Variants in FSHR observed in about 807,000 individuals in gnomAD.
FSHR encodes follicle stimulating hormone receptor, also known as follicle-stimulating hormone receptor.
Under a neutral mutation model 52.1 loss-of-function variants are expected in FSHR, and 46 were observed. The ratio of observed to expected loss-of-function variants is 0.88; its 90% CI spans 0.70 to 1.13. The LOEUF (loss-of-function observed/expected upper bound fraction) is 1.13. FSHR is among the 50% of genes most tolerant of loss of function. The probability of loss-of-function intolerance (pLI) is 0.00; values close to 1 mark genes in which losing one functional copy is unlikely to be tolerated. For missense variants in FSHR, 964 were observed against 834.6 expected (o/e 1.16, Z -1.91); for synonymous variants, 399 against 309.6 (o/e 1.29, Z -3.03).
intron 6 of FSHR, among the ~76,000 whole-genome samples, chr2:48,986,557 A>G (rs1481751228): frequency 6.6e-6 from 1 of 152,162 alleles, no homozygotes; most frequent in Non-Finnish European, 1.5e-5. Flanking sequence ...AAATAAGAAC[A>G]ATAGAAATTG....
chr2:49,103,928 C>T (rs1671129754), intron 1 of FSHR, among the ~76,000 whole-genome samples: 2 of 150,696 alleles, frequency 1.3e-5, no homozygotes, highest in Non-Finnish European at 2.9e-5. Flanking sequence ...CATTGGTTTT[C>T]CCCAAAGCTC....
chr2:49,080,596 A>T (rs1477066496), intron 1 of FSHR, among the ~76,000 whole-genome samples: 2 of 152,246 alleles, frequency 1.3e-5, no homozygotes, highest in African/African-American at 4.8e-5. Context: ...AGTTGATAAG[A>T]TGTATGTAAA....
At chr2:49,130,148 T>A (rs1366687506) in intron 1 of FSHR, among the ~76,000 whole-genome samples, 1 of 152,170 alleles carries the variant, frequency 6.6e-6, no homozygotes, top group Non-Finnish European at 1.5e-5. Flanking sequence ...CTCAGTAGCT[T>A]TTTCTGAGAA....
chr2:49,103,980 T>TC (rs1671132825), intron 1 of FSHR, among the ~76,000 whole-genome samples: 1 of 151,856 alleles, frequency 6.6e-6, no homozygotes, highest in African/African-American at 2.4e-5. Flanking sequence ...TATGTTTTTT[T>TC]TTTTTATCCT....
In FSHR at chr2:48,970,408, C is replaced by A. The variant is rs535670232; in HGVS notation, c.669-1525G>T. Among the ~76,000 whole-genome samples the A allele has an allele frequency of 5.9e-5, 9 of 152,318 alleles. No homozygotes were observed. In the South Asian group the frequency reaches 1.9e-3, roughly 32 times the overall value. On this transcript the variant is annotated intron_variant, in intron 8 of 9. Coordinates refer to ENST00000406846, the MANE Select transcript of FSHR (RefSeq NM_000145.4). The stretch of plus-strand genomic sequence containing the variant: ...TCTCCTTGATTTTGTAATTACATTT[C>A]ACAGGTAGAATGCTCCTTCTTTTTG...
At chr2:49,107,612 AATTAAT>A (rs1671277364) in intron 1 of FSHR, among the ~76,000 whole-genome samples, 1 of 152,152 alleles carries the variant, frequency 6.6e-6, no homozygotes, top group Non-Finnish European at 1.5e-5. Context: ...TTAATCACAA[AATTAAT>A]ATTAATAGCC....
chr2:49,144,351 A>T (rs1230351173), intron 1 of FSHR, among the ~76,000 whole-genome samples: 1 of 152,120 alleles, frequency 6.6e-6, no homozygotes, highest in East Asian at 1.9e-4. Context: ...TTCCAGAGCC[A>T]CTTTGTAATT....
At chr2:48,997,432 TTCTGTTCGG>T in intron 4 of FSHR, 1 of 972,438 alleles carries the variant, frequency 1.0e-6, no homozygotes, top group Non-Finnish European at 1.2e-6. Flanking sequence ...TGGCTGCAGA[TTCTGTTCGG>T]ACCTAGCATC....
intron 1 of FSHR, among the ~76,000 whole-genome samples, chr2:49,089,202 A>G (rs1216726562): frequency 6.6e-6 from 1 of 152,056 alleles, no homozygotes; most frequent in East Asian, 1.9e-4. Context: ...TTCCTTAAGA[A>G]CAACATGTAT....
chr2:49,121,680 C>A (rs1311709482), intron 1 of FSHR, among the ~76,000 whole-genome samples: 1 of 152,212 alleles, frequency 6.6e-6, no homozygotes, highest in East Asian at 1.9e-4. Flanking sequence ...ATATAGACAG[C>A]AGCTCAAGGA....
intron 4 of FSHR, chr2:48,997,240 T>C (rs1053399186): frequency 1.0e-6 from 1 of 985,120 alleles, no homozygotes; most frequent in Non-Finnish European, 1.2e-6. Flanking sequence ...TGTGAGACAG[T>C]AGGAAAGCCT....
At chr2:48,966,830 C>T (rs1044103505) in intron 9 of FSHR, among the ~76,000 whole-genome samples, 1 of 152,180 alleles carries the variant, frequency 6.6e-6, no homozygotes, top group Non-Finnish European at 1.5e-5. Flanking sequence ...GTGTAAGAAC[C>T]ATGTTCCTCT....
In FSHR at chr2:49,071,080, T is replaced by C. The variant is rs181208722; in HGVS notation, c.153-2790A>G. ...GGCACATGAGATGAGATGTGGAAGA[T>C]GGAATGTAAAGATACATTTTCATCT... On this transcript the variant is annotated intron_variant, in intron 1 of 9. Coordinates refer to ENST00000406846, the MANE Select transcript of FSHR (RefSeq NM_000145.4). 4.4e-3 allele frequency among the ~76,000 whole-genome samples: 666 copies of C among 152,258 alleles called. 8 individuals are homozygous for C. The highest frequency in any genetic ancestry group is 0.015 in the African/African-American group (614 of 41,552).
rs145890339 is a variant in FSHR, at chr2:49,008,477, C to T, written c.374+9012G>A. On this transcript the variant is annotated intron_variant, in intron 4 of 9. Coordinates refer to ENST00000406846, the MANE Select transcript of FSHR (RefSeq NM_000145.4). ...GTCTTTGCTATTGTGAATAATGCCG[C>T]AATAAACATACGTGTGCATGTGTCT... Among the ~76,000 whole-genome samples the T allele has an allele frequency of 4.0e-3, 611 of 152,100 alleles. 3 individuals are homozygous for T. Among genetic ancestry groups the T allele is most frequent in the Non-Finnish European group, 6.1e-3 (416 of 68,004 alleles).
intron 1 of FSHR, among the ~76,000 whole-genome samples, chr2:49,108,050 G>T (rs59032647): frequency 0.023 from 3,557 of 152,170 alleles, 120 homozygotes; most frequent in African/African-American, 0.08. Context: ...AGTGGGTTCA[G>T]TAGATTGCCT....
chr2:48,981,264 C>G (rs187919240), intron 8 of FSHR, among the ~76,000 whole-genome samples: 82 of 152,264 alleles, frequency 5.4e-4, no homozygotes, highest in Admixed American at 2.5e-3. Flanking sequence ...AATGTATTGC[C>G]TGACTCCTCT....
chr2:49,100,779 C>T (rs1009416377), intron 1 of FSHR, among the ~76,000 whole-genome samples: 6 of 152,166 alleles, frequency 3.9e-5, no homozygotes, highest in Non-Finnish European at 8.8e-5. Context: ...AGGTTTCTAT[C>T]ACTTGTACCT....
At chr2:49,038,636 A>AATAATT (rs1668375977) in intron 2 of FSHR, among the ~76,000 whole-genome samples, 1 of 57,662 alleles carries the variant, frequency 1.7e-5, no homozygotes, top group Non-Finnish European at 3.6e-5. Context: ...AAATAATAAT[A>AATAATT]ATAATAATAA....
chr2:49,013,177 G>A (rs1667339478), intron 4 of FSHR, among the ~76,000 whole-genome samples: 1 of 150,978 alleles, frequency 6.6e-6, no homozygotes, highest in African/African-American at 2.4e-5. Context: ...AGGACACAGG[G>A]AGAAGGCAGC....
Sources: gnomAD v4.1 joint callset for allele counts (sites outside exome capture counted in the v4.1 genomes callset) on GRCh38, gnomAD v4.1.1 for gene constraint, MANE v1.5 for transcripts, NCBI Gene and HGNC (gene_info 2026-07-23, HGNC 2026-07-21) for gene names.